ZFP2: variants seen among roughly 807,000 people sequenced by gnomAD.
The protein encoded by ZFP2 is zinc finger protein ZFP2.
In ZFP2, 33 loss-of-function variants were observed where a neutral mutation model predicts 36.1. The observed-to-expected ratio is 0.92, with a 90% CI of 0.69 to 1.22. ZFP2 has a LOEUF of 1.22. ZFP2 is among the 50% of genes most tolerant of loss of function. ZFP2 has a pLI of 0.00. For missense variants in ZFP2, 522 were observed against 551.4 expected, an observed-to-expected ratio of 0.95 and a Z score of 0.53; for synonymous variants, 170 against 178.0, an observed-to-expected ratio of 0.96 and a Z score of 0.36.
chr5:178,920,560 C>G (rs921759429), intron 4 of ZFP2, among the ~76,000 whole-genome samples: 1 of 151,954 alleles, frequency 6.6e-6, no homozygotes, highest in African/African-American at 2.4e-5. Flanking sequence ...TCGCTTGAAC[C>G]CGGGAGGTAG....
rs756701881 is a variant in ZFP2 at position 178,931,771 on chromosome 5, C to G, written c.458C>G (p.Thr153Ser). Residue 153 changes from threonine to serine, a missense_variant, in exon 5 of 5, where the codon ACT becomes AGT. By Grantham distance (58) the Thr-to-Ser change is moderately conservative (BLOSUM62 1). Transcript: ENST00000361362. ...CTTACTGTACATCAAAGAATTCATACTGGAGAGAAACCCTATAAATGTAAT... is the reference window on the plus strand; with the variant it reads ...CTTACTGTACATCAAAGAATTCATAGTGGAGAGAAACCCTATAAATGTAAT... ...SSLTVHQRIH[T>S]GEKPYKCNEC... is the part of the protein sequence containing the mutation. 45 of 1,614,038 alleles carry G rather than the reference C, an allele frequency of 2.8e-5. No individual in the cohort carries two copies. In the Admixed American group the frequency reaches 7.3e-4, roughly 26 times the overall value.
chr5:178,929,789 G>T (rs1246943540), intron 4 of ZFP2, among the ~76,000 whole-genome samples: 1 of 152,028 alleles, frequency 6.6e-6, no homozygotes, highest in Non-Finnish European at 1.5e-5. Flanking sequence ...TATCTTTATA[G>T]AAATTCTCCA....
intron 1 of ZFP2, among the ~76,000 whole-genome samples, chr5:178,912,119 C>G (rs1758310015): frequency 6.6e-6 from 1 of 152,082 alleles, no homozygotes; most frequent in Non-Finnish European, 1.5e-5. Flanking sequence ...GGCTACAGAG[C>G]AAGACTCGGT....
At chr5:178,898,005 T>A (rs1209079922) in intron 1 of ZFP2, among the ~76,000 whole-genome samples, 2 of 152,202 alleles carry the variant, frequency 1.3e-5, no homozygotes, top group Admixed American at 6.5e-5. Context: ...TCTTTTTTTT[T>A]ATTGAGACGG....
chr5:178,909,857 A>G (rs1172949124), intron 1 of ZFP2: 7 of 1,583,534 alleles, frequency 4.4e-6, no homozygotes, highest in Middle Eastern at 1.7e-4. Context: ...TGCTGAGGTC[A>G]GGGCCAATCA....
chr5:178,919,878 C>T (rs888402116), intron 4 of ZFP2, among the ~76,000 whole-genome samples: 3 of 151,950 alleles, frequency 2.0e-5, no homozygotes, highest in Non-Finnish European at 4.4e-5. Context: ...GCACGGGAAT[C>T]GCTTGAACCC....
At position 178,931,748 on chromosome 5, in the gene ZFP2, T is replaced by A. The variant is rs369349854; in HGVS notation, c.435T>A (p.Leu145=). 3 of 1,613,998 alleles carry A rather than the reference T, an allele frequency of 1.9e-6. No homozygotes were observed. In the African/African-American group the frequency reaches 4.0e-5, roughly 22 times the overall value. The change falls in exon 5 of 5, where the codon CTT becomes CTA. Residue 145 remains leucine, a synonymous_variant. Transcript: ENST00000361362. ...CGKHFIERSS[L]TVHQRIHTGE... is the part of the protein sequence containing the mutation. ...AACACTTCATTGAACGATCCTCCCT[T>A]ACTGTACATCAAAGAATTCATACTG...
chr5:178,931,157 TTC>T, intron 4 of ZFP2, 78 bp from the exon 5 acceptor site: 1 of 1,382,266 alleles, frequency 7.2e-7, no homozygotes, highest in South Asian at 1.7e-5. Flanking sequence ...GCTAGTTTAA[TTC>T]TCTCATTCCT....
intron 1 of ZFP2, among the ~76,000 whole-genome samples, chr5:178,903,614 A>C (rs1171100923): frequency 6.6e-6 from 1 of 152,218 alleles, no homozygotes; most frequent in Non-Finnish European, 1.5e-5. Flanking sequence ...ATTTTGCTAC[A>C]AAAAAGTTTT....
Position 178,897,411 on chromosome 5 carries a change from C to T in ZFP2, c.-450+1437C>T, listed in dbSNP as rs146377026. On this transcript the variant is annotated intron_variant, in intron 1 of 4. Coordinates refer to ENST00000361362, the MANE Select transcript of ZFP2 (RefSeq NM_030613.4). ...GTTTCCTGACTGTGCAGAAACGTCA[C>T]AGGTTCTTATGGTCACACATGAAAA... 1.4e-4 allele frequency among the ~76,000 whole-genome samples: 22 copies of T among 152,328 alleles called. No individual in the cohort carries two copies. In the East Asian group the frequency reaches 4.0e-3, roughly 28 times the overall value.
intron 2 of ZFP2, 46 bp from the exon 3 acceptor site, chr5:178,912,936 T>G (rs925307553): frequency 7.2e-6 from 7 of 974,206 alleles, no homozygotes; most frequent in Non-Finnish European, 8.5e-6. Flanking sequence ...GATTGGTTTT[T>G]AGGCTCAGTT....
In ZFP2 at chr5:178,931,902, A is replaced by C. The variant is rs1475010426; in HGVS notation, c.589A>C (p.Lys197Gln). The change falls in exon 5 of 5, where the codon AAG becomes CAG. Residue 197 changes from lysine (K) to glutamine (Q), a missense_variant. Transcript: ENST00000361362. Reference sequence around the variant, plus strand: ...TAAAGAGTGTGGCAAAGCCTTCCATAAGAATTCATCTCTTATTCAGCATGA... The same window carrying C: ...TAAAGAGTGTGGCAAAGCCTTCCATCAGAATTCATCTCTTATTCAGCATGA... ...QCKECGKAFH[K>Q]NSSLIQHERI... 2 of 1,613,788 alleles carry C rather than the reference A, an allele frequency of 1.2e-6. No individual in the cohort carries two copies. The highest frequency in any genetic ancestry group is 1.7e-6 in the Non-Finnish European group (2 of 1,179,974).
intron 1 of ZFP2, among the ~76,000 whole-genome samples, chr5:178,897,062 T>A (rs949972949): frequency 6.6e-6 from 1 of 151,692 alleles, no homozygotes; most frequent in Admixed American, 6.6e-5. Flanking sequence ...TTCAGTATTA[T>A]AAACAGTATA....
intron 1 of ZFP2, among the ~76,000 whole-genome samples, chr5:178,904,796 G>A (rs1353905937): frequency 1.4e-5 from 2 of 147,066 alleles, no homozygotes; most frequent in Non-Finnish European, 1.5e-5. Context: ...TCTGCCTGCC[G>A]GGTTCAAGGC....
Position 178,932,118 on chromosome 5 carries a change from C to T in ZFP2, c.805C>T (p.Pro269Ser), listed in dbSNP as rs777065455. 8.1e-6 allele frequency: 13 copies of T among 1,612,896 alleles called. No homozygotes were observed. Among genetic ancestry groups the T allele is most frequent in the Admixed American group, 3.3e-5 (2 of 59,988 alleles). ...VHQRSHTGEK[P>S]YECSQCGKAF... ...TCAGAGAAGCCATACTGGAGAAAAA[C>T]CCTATGAGTGTAGTCAATGTGGAAA... Residue 269 changes from proline (P) to serine (S), a missense_variant, in exon 5 of 5, where the codon CCC (proline) becomes TCC (serine). Transcript: ENST00000361362.
chr5:178,904,729 G>C (rs1440204403), intron 1 of ZFP2, among the ~76,000 whole-genome samples: 1 of 118,616 alleles, frequency 8.4e-6, no homozygotes, highest in East Asian at 2.7e-4. Context: ...GAGAGACAGA[G>C]TCTTGCTCTG....
At chr5:178,918,353 G>A (rs1758483074) in intron 4 of ZFP2, among the ~76,000 whole-genome samples, 2 of 152,166 alleles carry the variant, frequency 1.3e-5, no homozygotes. Context: ...TAGTCTAGTT[G>A]GGTGTTAGGA....
In ZFP2 at chr5:178,929,649, A is replaced by T. The variant is rs951880831; in HGVS notation, c.-77-1588A>T. Among the ~76,000 whole-genome samples the T allele has an allele frequency of 2.0e-5, 3 of 152,180 alleles. No homozygotes were observed. The South Asian group carries it at 6.2e-4, about 31-fold the overall frequency. ...CCATATCACTATCAGCATTTTGGTC[A>T]TAACCATTTAACCAGTTTCTAAGAT... On this transcript the variant is annotated intron_variant, in intron 4 of 4. Transcript: ENST00000361362.
chr5:178,932,654 C>A lies in ZFP2; in HGVS notation c.1341C>A (p.Phe447Leu). 1 of 1,612,730 alleles carries A rather than the reference C, an allele frequency of 6.2e-7. No individual in the cohort carries two copies. Among genetic ancestry groups the A allele is most frequent in the Non-Finnish European group, 8.5e-7 (1 of 1,179,396 alleles). Residue 447 changes from phenylalanine to leucine, a missense_variant, in exon 5 of 5, where the codon TTC becomes TTA. By Grantham distance (22) the Phe-to-Leu change is conservative. Coordinates refer to ENST00000361362, the MANE Select transcript of ZFP2 (RefSeq NM_030613.4). ...PYQCNECGKA[F>L]SRSTNLTRHQ... ...AGTGTAATGAATGCGGAAAAGCCTT[C>A]AGCCGGAGTACAAACCTTACACGAC...
Sources: gnomAD v4.1 joint callset for allele counts (sites outside exome capture counted in the v4.1 genomes callset) on GRCh38, gnomAD v4.1.1 for gene constraint, MANE v1.5 for transcripts, NCBI Gene and HGNC (gene_info 2026-07-23, HGNC 2026-07-21) for gene names.